The following TEX14 variants were observed in gnomAD, a reference collection of about 807,000 sequenced individuals.
TEX14 encodes inactive serine/threonine-protein kinase TEX14.
In TEX14, 168 loss-of-function variants were observed where a neutral mutation model predicts 178.6. That is an observed-to-expected ratio of 0.94 (90% CI 0.83 to 1.07). TEX14 has a LOEUF of 1.07. TEX14 is among the 50% of genes least tolerant of loss of function. TEX14 has a pLI of 0.00. For synonymous variants in TEX14, 626 were observed against 634.1 expected, an observed-to-expected ratio of 0.99 and a Z score of 0.19; for missense variants, 1,730 against 1,753.6, an observed-to-expected ratio of 0.99 and a Z score of 0.24.
intron 1 of TEX14, chr17:58,661,391 A>C (rs189854968): frequency 2.2e-6 from 2 of 892,266 alleles, no homozygotes; most frequent in South Asian, 2.6e-5. Flanking sequence ...AATCTCCTCC[A>C]AATCTTCATT....
At chr17:58,574,730 T>C (rs1469274445) in intron 21 of TEX14, among the ~76,000 whole-genome samples, 1 of 144,182 alleles carries the variant, frequency 6.9e-6, no homozygotes, top group South Asian at 2.3e-4. Flanking sequence ...GCTGTACTAC[T>C]AGCTGCGAGT....
chr17:58,587,757 CCAG>C (rs1245435863), intron 16 of TEX14, 91 bp from the exon 17 acceptor site: 1 of 1,150,044 alleles, frequency 8.7e-7, no homozygotes, highest in Non-Finnish European at 1.3e-6. Context: ...CAAAAGCCCA[CCAG>C]CCCATCCAGA....
At chr17:58,586,494 T>C (rs1020039111) in intron 17 of TEX14, among the ~76,000 whole-genome samples, 1 of 152,236 alleles carries the variant, frequency 6.6e-6, no homozygotes, top group African/African-American at 2.4e-5. Flanking sequence ...CATACATATA[T>C]GCATGTTTTC....
chr17:58,634,906 C>T (rs925999378), intron 2 of TEX14, among the ~76,000 whole-genome samples: 9 of 151,864 alleles, frequency 5.9e-5, no homozygotes, highest in South Asian at 2.1e-4. Context: ...CCGAGGCAGG[C>T]GGATTACCTG....
At chr17:58,649,702 C>T (rs1480402494) in intron 2 of TEX14, among the ~76,000 whole-genome samples, 2 of 152,180 alleles carry the variant, frequency 1.3e-5, no homozygotes, top group Non-Finnish European at 2.9e-5. Flanking sequence ...TGTCTATCCA[C>T]ACCATTCACT....
At chr17:58,635,282 T>C (rs2046408396) in intron 2 of TEX14, among the ~76,000 whole-genome samples, 1 of 152,182 alleles carries the variant, frequency 6.6e-6, no homozygotes, top group Non-Finnish European at 1.5e-5. Flanking sequence ...TATTTATAGT[T>C]ATTGACAAGA....
In TEX14 at chr17:58,605,016, A is replaced by G. The variant is rs1255281219; in HGVS notation, c.1298T>C (p.Ile433Thr). 2.5e-6 allele frequency: 4 copies of G among 1,614,088 alleles called. No homozygotes were observed. The highest frequency in any genetic ancestry group is 3.4e-6 in the Non-Finnish European group (4 of 1,180,044). ...LQKAATVKSD[I>T]YSFSMIMQEI... ...CTGCATGATCATAGAAAAGCTGTAG[A>G]TGTCTGATTTCACTGTGGCTGCCTT... is the stretch of plus-strand genomic sequence containing the variant. The change falls in exon 11 of 32, where the codon ATC (isoleucine) becomes ACC (threonine). Residue 433 changes from isoleucine to threonine, a missense_variant. Around this residue, in one of 2 missense-constraint regions of TEX14, gnomAD observed 789 missense variants for 681.2 expected, o/e 1.16. Coordinates refer to ENST00000349033, the MANE Select transcript of TEX14 (RefSeq NM_031272.5).
chr17:58,663,313 T>C (rs2047150470), intron 1 of TEX14, among the ~76,000 whole-genome samples: 1 of 148,922 alleles, frequency 6.7e-6, no homozygotes, highest in Admixed American at 6.7e-5. Context: ...TCCCAGCTAC[T>C]TGGGAGGCTG....
chr17:58,656,925 C>CA (rs60626361), intron 1 of TEX14, among the ~76,000 whole-genome samples: 9,452 of 79,414 alleles, frequency 0.12, 884 homozygotes, highest in African/African-American at 0.26. Flanking sequence ...TCCCATCTCA[C>CA]AAAAAAAAAA....
intron 26 of TEX14, among the ~76,000 whole-genome samples, chr17:58,567,558 G>C (rs1322937821): frequency 6.6e-6 from 1 of 152,174 alleles, no homozygotes; most frequent in Non-Finnish European, 1.5e-5. Flanking sequence ...CAGGAGCCTA[G>C]AGCTTTGGAT....
At chr17:58,655,759 G>A (rs550878407) in intron 1 of TEX14, among the ~76,000 whole-genome samples, 23 of 152,240 alleles carry the variant, frequency 1.5e-4, no homozygotes, top group African/African-American at 4.8e-4. Flanking sequence ...TAAGCCAGGG[G>A]CCATGTCTGG....
At chr17:58,665,669 A>G (rs991919605) in intron 1 of TEX14, among the ~76,000 whole-genome samples, 1 of 152,120 alleles carries the variant, frequency 6.6e-6, no homozygotes, top group Non-Finnish European at 1.5e-5. Flanking sequence ...ATTAAATGAT[A>G]GCAAGGTACA....
At chr17:58,682,065 G>A (rs968527522) in intron 1 of TEX14, among the ~76,000 whole-genome samples, 3 of 151,856 alleles carry the variant, frequency 2.0e-5, no homozygotes, top group Admixed American at 6.6e-5. Flanking sequence ...GGGGTCAAGT[G>A]AGCCTCCTGA....
Position 58,570,449 on chromosome 17 carries a change from G to C in TEX14, c.3753C>G (p.Pro1251=). Reference sequence around the variant, plus strand: ...ATGAGTCACATGCCTTAACAAGGCTGGGGGATCCAGCCCCAATAAATGAAG... The same window carrying C: ...ATGAGTCACATGCCTTAACAAGGCTCGGGGATCCAGCCCCAATAAATGAAG... ...RLSSFIGAGS[P]SLVKACDSSP... The change falls in exon 25 of 32, where the codon CCC becomes CCG. Residue 1251 remains proline (P), a synonymous_variant. Transcript: ENST00000349033. The C allele has an allele frequency of 6.6e-7, 1 of 1,523,628 alleles. No homozygotes were observed. The highest frequency in any genetic ancestry group is 1.3e-5 in the South Asian group (1 of 75,206). 94.4% of individuals were successfully genotyped at this position (1,523,628 alleles called of 1,614,324 possible).
At chr17:58,639,756 C>G (rs2046529901) in intron 2 of TEX14, among the ~76,000 whole-genome samples, 1 of 152,090 alleles carries the variant, frequency 6.6e-6, no homozygotes, top group Non-Finnish European at 1.5e-5. Context: ...CAGGCTGGAT[C>G]CGGTAATTGA....
intron 10 of TEX14, among the ~76,000 whole-genome samples, chr17:58,608,771 G>A (rs1055532385): frequency 2.2e-4 from 33 of 152,304 alleles, no homozygotes; most frequent in Non-Finnish European, 1.9e-4. Flanking sequence ...AGAGAGTGTT[G>A]GGAGACTGTG....
At chr17:58,613,284 G>A in intron 9 of TEX14, 137 bp downstream of exon 9, 1 of 1,027,640 alleles carries the variant, frequency 9.7e-7, no homozygotes, top group Non-Finnish European at 1.5e-6. Context: ...ATGTTATACA[G>A]CCCCTATAAA....
At chr17:58,564,555 G>A (rs1598341763) in intron 28 of TEX14, among the ~76,000 whole-genome samples, 1 of 152,182 alleles carries the variant, frequency 6.6e-6, no homozygotes, top group South Asian at 2.1e-4. Flanking sequence ...TAGAGTTTCA[G>A]TTTTGCAAGA....
chr17:58,577,821 C>G (rs1488969320), intron 20 of TEX14, among the ~76,000 whole-genome samples: 1 of 152,224 alleles, frequency 6.6e-6, no homozygotes, highest in African/African-American at 2.4e-5. Flanking sequence ...GCGTTGAAAA[C>G]AAGAACTGTT....
Sources: allele counts gnomAD v4.1 joint callset (sites outside exome capture counted in the v4.1 genomes callset), GRCh38; gene constraint gnomAD v4.1.1; regional missense constraint gnomAD v4.1.1; transcripts MANE v1.5; gene names NCBI Gene and HGNC (gene_info 2026-07-23, HGNC 2026-07-21).